The following CCNA1 variants were observed in gnomAD, a reference collection of about 807,000 sequenced individuals.
CCNA1 encodes the protein cyclin A1.
Under a neutral mutation model 54.1 loss-of-function variants are expected in CCNA1, and 23 were observed. That is an observed-to-expected ratio of 0.42 (90% CI 0.31 to 0.60). The LOEUF is 0.60. Ranked by LOEUF, CCNA1 falls within the 20% of genes least tolerant of loss-of-function variation. The probability of loss-of-function intolerance (pLI) is 0.14; values close to 1 mark genes in which losing one functional copy is unlikely to be tolerated. For missense variants in CCNA1, 450 were observed against 556.7 expected (o/e 0.81, Z 1.93); for synonymous variants, 208 against 213.9 (o/e 0.97, Z 0.24).
chr13:36,438,080 G>A lies in CCNA1; in HGVS notation c.558G>A (p.Leu186=), dbSNP rs749399552. 5 of 1,613,366 alleles carry A rather than the reference G, an allele frequency of 3.1e-6. No homozygotes were observed. The highest frequency in any genetic ancestry group is 2.2e-5 in the South Asian group (2 of 90,914). ...GAACTCTTGCAGTTTCCCCTATGCT[G>A]GTAGATTCATCTCTCCTCTCCCAGT... Residue 186 remains leucine (L), a synonymous_variant, in exon 4 of 9, where the codon CTG becomes CTA. Coordinates refer to ENST00000255465, the MANE Select transcript of CCNA1 (RefSeq NM_003914.4).
At position 36,432,748 on chromosome 13, in the gene CCNA1, C is replaced by T. The variant is rs769219060; in HGVS notation, c.108+19C>T. 6.7e-7 allele frequency: 1 copy of T among 1,485,042 alleles called. No individual in the cohort carries two copies. The highest frequency in any genetic ancestry group is 1.1e-5 in the South Asian group (1 of 87,170). The allele number at this position is 1,485,042 out of a possible 1,614,324, so 92.0% of individuals were successfully genotyped here. ...CTTCCAGGTAACGTGGGTTTAGTAT[C>T]CCGACTTGGAGGCTTGTCAGAATGT... On this transcript the variant is annotated intron_variant, in intron 1 of 8. Coordinates refer to ENST00000255465, the MANE Select transcript of CCNA1 (RefSeq NM_003914.4).
intron 1 of CCNA1, 134 bp downstream of exon 1, chr13:36,432,863 C>T (rs1487126824): frequency 2.1e-6 from 2 of 950,046 alleles, no homozygotes; most frequent in Non-Finnish European, 3.3e-6. Context: ...CAACTTTGAT[C>T]GCCTGTGCGG....
At position 36,442,149 on chromosome 13, in the gene CCNA1, T is replaced by A. The variant is rs753707579; in HGVS notation, c.1213-22T>A. 47 of 1,597,476 alleles carry A rather than the reference T, an allele frequency of 2.9e-5. No homozygotes were observed. The East Asian group carries it at 1.0e-3, about 35-fold the overall frequency. ...CTAATATAAAGTTATGTGAAGCAAT[T>A]TTTTTCTTTTGTCTTGATTAGCCAG... On this transcript the variant is annotated intron_variant, in intron 7 of 8. Transcript: ENST00000255465.
intron 7 of CCNA1, 97 bp downstream of exon 7, chr13:36,441,328 C>T (rs912542328): frequency 2.9e-6 from 2 of 688,864 alleles, no homozygotes; most frequent in Non-Finnish European, 5.1e-6. Context: ...ATCTGGTCAA[C>T]TTGACAGCAG....
intron 6 of CCNA1, among the ~76,000 whole-genome samples, chr13:36,440,491 G>A (rs942247623): frequency 6.6e-6 from 1 of 152,140 alleles, no homozygotes; most frequent in African/African-American, 2.4e-5. Flanking sequence ...TATAGAGTGG[G>A]AACAAAGTAA....
At chr13:36,431,576 A>T (rs1042575280), upstream of CCNA1, 1 of 152,150 alleles carries the variant, frequency 6.6e-6, no homozygotes, top group Non-Finnish European at 1.5e-5. Context: ...CCGCGGGGGA[A>T]GACCTCTCGT....
chr13:36,441,435 C>T (rs986996020), intron 7 of CCNA1, among the ~76,000 whole-genome samples: 19 of 152,354 alleles, frequency 1.2e-4, no homozygotes, highest in Middle Eastern at 3.4e-3. Flanking sequence ...GTCAAGGAGA[C>T]AGCATCACAT....
At chr13:36,438,274 C>A in intron 4 of CCNA1, 83 bp downstream of exon 4, 1 of 1,251,290 alleles carries the variant, frequency 8.0e-7, no homozygotes, top group Non-Finnish European at 1.1e-6. Context: ...GGTCCATAAC[C>A]ACTAGTGAAT....
At chr13:36,439,563 CA>C (rs1327133411) in intron 5 of CCNA1, among the ~76,000 whole-genome samples, 3 of 152,188 alleles carry the variant, frequency 2.0e-5, no homozygotes, top group Non-Finnish European at 2.9e-5. Flanking sequence ...CAAAGTTGAA[CA>C]GCATCTTTTT....
intron 2 of CCNA1, among the ~76,000 whole-genome samples, chr13:36,433,447 T>TTTTCTTTCTCTTTCG (rs2055758135): frequency 2.8e-5 from 2 of 72,214 alleles, no homozygotes; most frequent in African/African-American, 7.9e-5. Context: ...TCTTTCGTTC[T>TTTTCTTTCTCTTTCG]TTCTTTCTTT....
At chr13:36,433,410 C>CG (rs1566169502) in intron 2 of CCNA1, among the ~76,000 whole-genome samples, 189 bp downstream of exon 2, 17 of 119,532 alleles carry the variant, frequency 1.4e-4, no homozygotes, top group African/African-American at 4.3e-4. Flanking sequence ...TTCTTTCTTT[C>CG]TTTCTTTCTT....
Position 36,438,552 on chromosome 13 carries a change from C to T in CCNA1, c.670-92C>T, listed in dbSNP as rs1277921879. 4 of 879,938 alleles carry T rather than the reference C, an allele frequency of 4.5e-6. No homozygotes were observed. The African/African-American group carries it at 6.7e-5, about 15-fold the overall frequency. The allele number at this position is 879,938 out of a possible 1,614,324, so 54.5% of individuals were successfully genotyped here. ...TGGCTCTGATCAGAATCTTTCCAAC[C>T]TTTGCTTGTGAGATTTTTAAATAGC... On this transcript the variant is annotated intron_variant, in intron 4 of 8. Transcript: ENST00000255465.
At position 36,433,323 on chromosome 13, in the gene CCNA1, A is replaced by AG. The variant is rs1030707096; in HGVS notation, c.297+103dup. 4.2e-6 allele frequency: 3 copies of AG among 710,676 alleles called. No individual in the cohort carries two copies. In the African/African-American group the frequency reaches 5.4e-5, roughly 13 times the overall value. The allele number at this position is 710,676 out of a possible 1,614,324, so 44.0% of individuals were successfully genotyped here. Reference sequence around the variant, plus strand: ...GCCCTTGTACCTACAACTCCCCCTGAGTATTACAACCCTGGAATCTGGACT... The same window carrying AG: ...GCCCTTGTACCTACAACTCCCCCTGAGGTATTACAACCCTGGAATCTGGACT... On this transcript the variant is annotated intron_variant, in intron 2 of 8. Transcript: ENST00000255465.
chr13:36,432,959 G>A lies in CCNA1; in HGVS notation c.109-74G>A, dbSNP rs544097784. The A allele has an allele frequency of 2.9e-4, 407 of 1,391,730 alleles. 5 individuals carry two copies. The South Asian group carries it at 3.9e-3, about 13-fold the overall frequency. The allele number at this position is 1,391,730 out of a possible 1,614,324, so 86.2% of individuals were successfully genotyped here. A position where few individuals can be genotyped will look rare whatever the true frequency, so the allele number is the denominator to read the frequency against. On this transcript the variant is annotated intron_variant, in intron 1 of 8. Coordinates refer to ENST00000255465, the MANE Select transcript of CCNA1 (RefSeq NM_003914.4). ...ATTGCTTGGTGCTCTCCCTCCTAGA[G>A]GTTCGCTGTGTCCTTGGAGCCCGGG...
chr13:36,436,623 C>T (rs1049316409), intron 2 of CCNA1, among the ~76,000 whole-genome samples: 1 of 152,164 alleles, frequency 6.6e-6, no homozygotes, highest in Admixed American at 6.5e-5. Flanking sequence ...AGTCAAACTT[C>T]GCAGTAACTT....
Position 36,432,633 on chromosome 13 carries a change from C to T in CCNA1, c.12C>T (p.Gly4=). 1 of 1,595,208 alleles carries T rather than the reference C, an allele frequency of 6.3e-7. No individual in the cohort carries two copies. Among genetic ancestry groups the T allele is most frequent in the South Asian group, 1.1e-5 (1 of 87,506 alleles). ...GCTCGTCACTTGGGATGGAGACCGGCTTTCCCGCAATCATGTACCCTGGAT... is the reference window on the plus strand; with the variant it reads ...GCTCGTCACTTGGGATGGAGACCGGTTTTCCCGCAATCATGTACCCTGGAT... Residue 4 remains glycine (G), a synonymous_variant, in exon 1 of 9, where the codon GGC becomes GGT. Transcript: ENST00000255465.
At chr13:36,436,215 G>C (rs925281802) in intron 2 of CCNA1, among the ~76,000 whole-genome samples, 1 of 152,092 alleles carries the variant, frequency 6.6e-6, no homozygotes, top group Non-Finnish European at 1.5e-5. Context: ...CTGAATAAAA[G>C]CCAATTCTTA....
At chr13:36,440,220 C>T in intron 6 of CCNA1, 37 bp downstream of exon 6, 1 of 1,532,012 alleles carries the variant, frequency 6.5e-7, no homozygotes, top group Non-Finnish European at 9.0e-7. Flanking sequence ...ACTTCCAGTG[C>T]CAAGGAGCGT....
chr13:36,433,313 A>G, intron 2 of CCNA1, 92 bp downstream of exon 2: 1 of 835,686 alleles, frequency 1.2e-6, no homozygotes, highest in Non-Finnish European at 1.8e-6. Context: ...TGTACCTACA[A>G]CTCCCCCTGA....
Sources: allele counts gnomAD v4.1 joint callset (sites outside exome capture counted in the v4.1 genomes callset), GRCh38; gene constraint gnomAD v4.1.1; transcripts MANE v1.5; gene names NCBI Gene and HGNC (gene_info 2026-07-23, HGNC 2026-07-21).